Variants in SPATS2 observed in about 807,000 individuals in gnomAD.
The protein encoded by SPATS2 is spermatogenesis-associated serine-rich protein 2.
In SPATS2, 38 loss-of-function variants were observed where a neutral mutation model predicts 63.7. That is an observed-to-expected ratio of 0.60 (90% CI 0.46 to 0.78). SPATS2 has a LOEUF of 0.78. Among genes scored for constraint, SPATS2 ranks in the 30% least tolerant of loss-of-function variants. The probability of loss-of-function intolerance (pLI) is 0.00; values close to 1 mark genes in which losing one functional copy is unlikely to be tolerated. For synonymous variants in SPATS2, 207 were observed against 232.9 expected (o/e 0.89, Z 1.01); for missense variants, 588 against 666.2 (o/e 0.88, Z 1.29).
chr12:49,466,858 G>A (rs1023572220), intron 3 of SPATS2, among the ~76,000 whole-genome samples: 1 of 152,060 alleles, frequency 6.6e-6, no homozygotes, highest in Non-Finnish European at 1.5e-5. Flanking sequence ...GATAGAGAGT[G>A]CACTGTATCA....
intron 1 of SPATS2, 148 bp downstream of exon 1, chr12:49,367,735 A>G: frequency 2.6e-6 from 1 of 382,940 alleles, no homozygotes; most frequent in Non-Finnish European, 4.6e-6. Context: ...TAGAGGCCCG[A>G]AGTGCCCAGA....
chr12:49,436,294 G>A (rs1375426517), intron 2 of SPATS2, among the ~76,000 whole-genome samples: 3 of 144,950 alleles, frequency 2.1e-5, no homozygotes, highest in Non-Finnish European at 3.0e-5. Context: ...CCTCCCTCCC[G>A]GATGGGGCGG....
At chr12:49,418,303 A>T (rs11614120) in intron 2 of SPATS2, among the ~76,000 whole-genome samples, 12,332 of 151,246 alleles carry the variant, frequency 0.082, 616 homozygotes, top group African/African-American at 0.14. Flanking sequence ...AATTTAATTT[A>T]ATTTTATTTT....
At chr12:49,510,051 G>A (rs1441672459) in intron 9 of SPATS2, among the ~76,000 whole-genome samples, 2 of 151,230 alleles carry the variant, frequency 1.3e-5, no homozygotes, top group African/African-American at 4.9e-5. Context: ...GAAACCAGGA[G>A]CTCAAGACCA....
intron 2 of SPATS2, among the ~76,000 whole-genome samples, chr12:49,380,974 T>C (rs1944209354): frequency 6.6e-6 from 1 of 152,014 alleles, no homozygotes; most frequent in Non-Finnish European, 1.5e-5. Context: ...CAGTTTTCCA[T>C]AGCGGCTGTA....
chr12:49,462,519 C>A, intron 3 of SPATS2: 1 of 691,404 alleles, frequency 1.4e-6, no homozygotes, highest in South Asian at 1.5e-5. Flanking sequence ...GGGTGGCTGC[C>A]CTCTGCCAGC....
At chr12:49,514,034 GTAGTCCAAGC>G (rs1478230653) in intron 9 of SPATS2, among the ~76,000 whole-genome samples, 1 of 152,038 alleles carries the variant, frequency 6.6e-6, no homozygotes, top group Non-Finnish European at 1.5e-5. Context: ...GCGGGCGCCT[GTAGTCCAAGC>G]TACTCGGGAG....
chr12:49,448,430 C>A (rs188637091), intron 2 of SPATS2, among the ~76,000 whole-genome samples: 1 of 151,964 alleles, frequency 6.6e-6, no homozygotes, highest in Non-Finnish European at 1.5e-5. Flanking sequence ...TGAGCCACCA[C>A]GCCTGGCTAT....
In SPATS2 at chr12:49,435,179, T is replaced by C. The variant is rs957056201; in HGVS notation, c.-243-25591T>C. ...CCAAGTAGCTGGGACTACAGGCGCC[T>C]GCCACCATACCCGGCTAATTTTTTG... is the stretch of plus-strand genomic sequence containing the variant. On this transcript the variant is annotated intron_variant, in intron 2 of 13. Transcript: ENST00000552918. Among the ~76,000 whole-genome samples, 7 of 151,624 alleles carry C rather than the reference T, an allele frequency of 4.6e-5. No individual in the cohort carries two copies. The East Asian group carries it at 1.4e-3, about 29-fold the overall frequency.
At chr12:49,472,405 A>G (rs80011127) in intron 3 of SPATS2, among the ~76,000 whole-genome samples, 13 of 151,790 alleles carry the variant, frequency 8.6e-5, no homozygotes, top group South Asian at 6.2e-4. Flanking sequence ...ATTATTACAT[A>G]TAGAATTAAG....
intron 10 of SPATS2, 47 bp downstream of exon 10, chr12:49,514,660 AG>A: frequency 1.9e-6 from 3 of 1,565,912 alleles, no homozygotes; most frequent in Non-Finnish European, 2.6e-6. Context: ...CATAAATAGT[AG>A]GTACCTACTT....
intron 3 of SPATS2, among the ~76,000 whole-genome samples, chr12:49,461,821 A>T (rs1044755113): frequency 2.0e-5 from 3 of 152,196 alleles, no homozygotes; most frequent in African/African-American, 4.8e-5. Flanking sequence ...AATAAACCAG[A>T]TTTGTAGTTG....
chr12:49,414,597 A>C (rs971296780), intron 2 of SPATS2, among the ~76,000 whole-genome samples: 1 of 152,064 alleles, frequency 6.6e-6, no homozygotes, highest in Non-Finnish European at 1.5e-5. Flanking sequence ...TTTGCCCAGA[A>C]GGCTTTTTTA....
intron 2 of SPATS2, among the ~76,000 whole-genome samples, chr12:49,371,866 C>T (rs1033311740): frequency 1.3e-5 from 2 of 152,052 alleles, no homozygotes; most frequent in African/African-American, 4.8e-5. Flanking sequence ...CACCTCCCAC[C>T]AGGCCCCACC....
At chr12:49,458,096 C>T (rs1283654137) in intron 2 of SPATS2, among the ~76,000 whole-genome samples, 2 of 152,130 alleles carry the variant, frequency 1.3e-5, no homozygotes, top group Non-Finnish European at 2.9e-5. Flanking sequence ...CTCTCCTTTC[C>T]TTCTTGCATT....
intron 2 of SPATS2, among the ~76,000 whole-genome samples, chr12:49,399,765 C>CG (rs755055759): frequency 6.6e-6 from 1 of 152,042 alleles, no homozygotes; most frequent in Non-Finnish European, 1.5e-5. Flanking sequence ...TGGCCAGGCG[C>CG]GGTGGCTCAT....
intron 1 of SPATS2, among the ~76,000 whole-genome samples, chr12:49,368,365 A>G (rs1407997780): frequency 6.6e-6 from 1 of 152,172 alleles, no homozygotes; most frequent in African/African-American, 2.4e-5. Context: ...TAATTTACCT[A>G]CGGTTAATGA....
chr12:49,444,423 T>TC (rs1465822667), intron 2 of SPATS2, among the ~76,000 whole-genome samples: 5 of 152,074 alleles, frequency 3.3e-5, no homozygotes, highest in Admixed American at 3.3e-4. Flanking sequence ...CTCGCTTTTT[T>TC]CCCCAGGGTG....
chr12:49,446,809 A>C (rs1202941507), intron 2 of SPATS2, among the ~76,000 whole-genome samples: 1 of 152,216 alleles, frequency 6.6e-6, no homozygotes, highest in Non-Finnish European at 1.5e-5. Context: ...GTAGCAGTAC[A>C]TAGATTATGT....
Sources: allele counts gnomAD v4.1 joint callset (sites outside exome capture counted in the v4.1 genomes callset), GRCh38; gene constraint gnomAD v4.1.1; transcripts MANE v1.5; gene names NCBI Gene and HGNC (gene_info 2026-07-23, HGNC 2026-07-21).